The following NUBPL variants were observed in gnomAD, a reference collection of about 807,000 sequenced individuals.
NUBPL encodes the protein iron-sulfur cluster transfer protein NUBPL.
NUBPL carries 31 observed loss-of-function variants against 45.7 expected under a neutral mutation model. The ratio of observed to expected loss-of-function variants is 0.68; its 90% CI spans 0.51 to 0.92. NUBPL has a LOEUF of 0.92. Ranked by LOEUF, NUBPL falls within the 40% of genes least tolerant of loss-of-function variation. The pLI is 0.00. For missense variants in NUBPL, 401 were observed against 398.7 expected (o/e 1.01, Z -0.05); for synonymous variants, 144 against 140.9 (o/e 1.02, Z -0.15).
intron 7 of NUBPL, among the ~76,000 whole-genome samples, chr14:31,793,889 C>T (rs1167657824): frequency 1.2e-5 from 1 of 81,254 alleles, no homozygotes; most frequent in Non-Finnish European, 2.1e-5. Flanking sequence ...CCTCCCCCGA[C>T]CCCACCACAG....
At chr14:31,723,948 C>T (rs2037865945) in intron 6 of NUBPL, among the ~76,000 whole-genome samples, 1 of 152,084 alleles carries the variant, frequency 6.6e-6, no homozygotes, top group Admixed American at 6.5e-5. Context: ...TTTCTCATTC[C>T]TGATTGCTCT....
chr14:31,696,833 A>G (rs1242132527), intron 6 of NUBPL, among the ~76,000 whole-genome samples: 1 of 152,252 alleles, frequency 6.6e-6, no homozygotes, highest in African/African-American at 2.4e-5. Context: ...ATACAAACAT[A>G]AAAGTTTAAC....
chr14:31,661,170 A>G (rs1312798279), intron 4 of NUBPL, among the ~76,000 whole-genome samples: 1 of 152,240 alleles, frequency 6.6e-6, no homozygotes, highest in African/African-American at 2.4e-5. Flanking sequence ...AGGATGCAGC[A>G]TTGTGGCAAC....
At chr14:31,683,142 C>G (rs1283160161) in intron 6 of NUBPL, among the ~76,000 whole-genome samples, 2 of 151,426 alleles carry the variant, frequency 1.3e-5, no homozygotes, top group Non-Finnish European at 2.9e-5. Flanking sequence ...GAACCTCCCA[C>G]TAGATTCCAC....
intron 6 of NUBPL, among the ~76,000 whole-genome samples, chr14:31,718,626 T>C (rs2139943400): frequency 6.6e-6 from 1 of 152,316 alleles, no homozygotes; most frequent in South Asian, 2.1e-4. Flanking sequence ...ATTACATTAC[T>C]TATATAATTT....
chr14:31,699,156 A>G (rs1398556232), intron 6 of NUBPL, among the ~76,000 whole-genome samples: 1 of 152,344 alleles, frequency 6.6e-6, no homozygotes, highest in South Asian at 2.1e-4. Context: ...TGCCTGGCCC[A>G]TAATGACTTA....
chr14:31,816,298 A>G (rs903872490), intron 7 of NUBPL, among the ~76,000 whole-genome samples: 1 of 152,020 alleles, frequency 6.6e-6, no homozygotes. Flanking sequence ...TTTCTCCTAG[A>G]TGTTCTAGTT....
chr14:31,822,026 C>T (rs765223423), intron 7 of NUBPL, among the ~76,000 whole-genome samples: 5 of 151,652 alleles, frequency 3.3e-5, no homozygotes, highest in African/African-American at 7.3e-5. Flanking sequence ...GATAGTTATT[C>T]GAGGTAGGGA....
intron 6 of NUBPL, among the ~76,000 whole-genome samples, chr14:31,749,448 A>G (rs1327657832): frequency 1.3e-5 from 2 of 151,902 alleles, no homozygotes; most frequent in African/African-American, 2.4e-5. Context: ...TTTCATCTTC[A>G]TTTCCGATTT....
At chr14:31,708,113 T>C (rs1018051461) in intron 6 of NUBPL, among the ~76,000 whole-genome samples, 2 of 152,248 alleles carry the variant, frequency 1.3e-5, no homozygotes, top group African/African-American at 2.4e-5. Flanking sequence ...CAACTGGATA[T>C]AGAGGAATTA....
At chr14:31,856,900 T>A (rs73259084) in intron 10 of NUBPL, among the ~76,000 whole-genome samples, 1 of 152,202 alleles carries the variant, frequency 6.6e-6, no homozygotes, top group African/African-American at 2.4e-5. Context: ...TCAGGCACAC[T>A]GTACAAGTTG....
intron 4 of NUBPL, among the ~76,000 whole-genome samples, chr14:31,620,876 G>GC (rs1398767558): frequency 2.6e-5 from 4 of 152,136 alleles, no homozygotes; most frequent in Admixed American, 2.6e-4. Flanking sequence ...GTGAAGCTGC[G>GC]CCCACAGCCG....
intron 6 of NUBPL, among the ~76,000 whole-genome samples, chr14:31,736,707 T>G (rs1288349335): frequency 1.3e-5 from 2 of 152,236 alleles, no homozygotes; most frequent in African/African-American, 4.8e-5. Context: ...ATTTCTTTTG[T>G]GTATATACCT....
At chr14:31,786,213 T>C (rs939958284) in intron 6 of NUBPL, among the ~76,000 whole-genome samples, 4 of 152,172 alleles carry the variant, frequency 2.6e-5, no homozygotes, top group African/African-American at 9.7e-5. Context: ...AAGGACATAT[T>C]ACATGTTATT....
intron 8 of NUBPL, chr14:31,846,225 A>G: frequency 2.2e-6 from 1 of 447,868 alleles, no homozygotes; most frequent in Non-Finnish European, 4.1e-6. Flanking sequence ...CTTTCTAGGC[A>G]GAATTTTTGG....
chr14:31,789,284 C>T (rs1385535373), intron 7 of NUBPL, among the ~76,000 whole-genome samples: 1 of 151,456 alleles, frequency 6.6e-6, no homozygotes, highest in Non-Finnish European at 1.5e-5. Context: ...TGAGATAGTG[C>T]CATTGCGCTC....
At chr14:31,621,631 C>G (rs1328560388) in intron 4 of NUBPL, among the ~76,000 whole-genome samples, 2 of 152,210 alleles carry the variant, frequency 1.3e-5, no homozygotes, top group Non-Finnish European at 2.9e-5. Flanking sequence ...ACTGTCCAAC[C>G]AGTCCCAATG....
At chr14:31,755,157 ATACG>A (rs2038629773) in intron 6 of NUBPL, among the ~76,000 whole-genome samples, 1 of 152,092 alleles carries the variant, frequency 6.6e-6, no homozygotes, top group South Asian at 2.1e-4. Context: ...CGCAATAAAC[ATACG>A]TGTGCATGTG....
chr14:31,595,423 T>C (rs537437689), intron 3 of NUBPL, among the ~76,000 whole-genome samples: 1 of 152,372 alleles, frequency 6.6e-6, no homozygotes, highest in South Asian at 2.1e-4. Context: ...TTATTTTTGC[T>C]AATAGTAATT....
Sources: allele counts gnomAD v4.1 joint callset (sites outside exome capture counted in the v4.1 genomes callset), GRCh38; gene constraint gnomAD v4.1.1; transcripts MANE v1.5; gene names NCBI Gene and HGNC (gene_info 2026-07-23, HGNC 2026-07-21).